SEZ6: variants seen among roughly 807,000 people sequenced by gnomAD.
SEZ6 encodes seizure related 6 homolog, also known as seizure protein 6 homolog.
Under a neutral mutation model 101.0 loss-of-function variants are expected in SEZ6, and 53 were observed. The ratio of observed to expected loss-of-function variants is 0.52; its 90% CI spans 0.42 to 0.66. The LOEUF (loss-of-function observed/expected upper bound fraction) is 0.66, where lower values mean the gene tolerates loss of function less well. Ranked by LOEUF, SEZ6 falls within the 30% of genes least tolerant of loss-of-function variation. SEZ6 has a pLI of 0.00. For synonymous variants in SEZ6, 488 were observed against 512.2 expected (o/e 0.95, Z 0.64); for missense variants, 1,102 against 1,289.4 (o/e 0.85, Z 2.23).
chr17:28,959,680 C>A lies in SEZ6; in HGVS notation c.1771+18G>T. The A allele has an allele frequency of 6.4e-7, 1 of 1,568,050 alleles. No individual in the cohort carries two copies. The highest frequency in any genetic ancestry group is 1.3e-5 in the African/African-American group (1 of 74,090). ...CCTGCCTTTTGCCCGGTAGGCCCATCCACTGGTGTCTACTGACCTCGGCAG... is the reference window on the plus strand; with the variant it reads ...CCTGCCTTTTGCCCGGTAGGCCCATACACTGGTGTCTACTGACCTCGGCAG... On this transcript the variant is annotated intron_variant, in intron 8 of 16. Transcript: ENST00000317338. The surrounding 1 kb of genome is among the most constrained non-coding windows in gnomAD (Gnocchi z 4.4).
intron 1 of SEZ6, among the ~76,000 whole-genome samples, chr17:28,992,376 G>T (rs987131201): frequency 1.3e-5 from 2 of 152,070 alleles, no homozygotes; most frequent in Non-Finnish European, 2.9e-5. Flanking sequence ...GTGTGTGTGG[G>T]CGTACGTGTG....
intron 1 of SEZ6, among the ~76,000 whole-genome samples, chr17:28,990,447 T>C (rs2041441164): frequency 6.6e-6 from 1 of 152,046 alleles, no homozygotes; most frequent in Non-Finnish European, 1.5e-5. Flanking sequence ...GTATTTTTAG[T>C]AGAGATGGGG....
chr17:28,974,681 C>T (rs1412867149), intron 3 of SEZ6, among the ~76,000 whole-genome samples: 2 of 152,234 alleles, frequency 1.3e-5, no homozygotes, highest in Non-Finnish European at 2.9e-5. Context: ...GATTCCTGGT[C>T]CAGTGTCCTG....
intron 3 of SEZ6, among the ~76,000 whole-genome samples, chr17:28,972,534 C>T (rs759596499): frequency 1.3e-5 from 2 of 152,186 alleles, no homozygotes; most frequent in African/African-American, 4.8e-5. Context: ...GAAGAGAAGG[C>T]TCAAGGCAGG....
chr17:28,998,658 C>T (rs1035008446), intron 1 of SEZ6, among the ~76,000 whole-genome samples: 1 of 152,090 alleles, frequency 6.6e-6, no homozygotes, highest in Non-Finnish European at 1.5e-5. Context: ...AGAGGAGGGT[C>T]CTCCAATAGC....
intron 3 of SEZ6, among the ~76,000 whole-genome samples, chr17:28,970,664 C>G (rs746888677): frequency 5.6e-4 from 85 of 152,344 alleles, no homozygotes; most frequent in Admixed American, 3.0e-3. Context: ...TCCTGGCCAG[C>G]CTTCCTGCCT....
rs2041677725 is a variant in SEZ6 at position 29,005,617 on chromosome 17, G to A, written c.55+198C>T. ...GACGAGGTCTCGGCCGGGCGCGAAT[G>A]GCGGGAGCCGCGGCAGCTTCCCGCC... On this transcript the variant is annotated intron_variant, in intron 1 of 16. Transcript: ENST00000317338. This position sits in a 1 kb window ranked among gnomAD's most constrained non-coding sequence, Gnocchi z 4.8. Among the ~76,000 whole-genome samples the A allele has an allele frequency of 6.6e-6, 1 of 151,492 alleles. No homozygotes were observed. Among genetic ancestry groups the A allele is most frequent in the African/African-American group, 2.4e-5 (1 of 41,352 alleles).
chr17:28,968,073 C>T (rs1237354957), intron 4 of SEZ6, among the ~76,000 whole-genome samples: 1 of 152,160 alleles, frequency 6.6e-6, no homozygotes, highest in Non-Finnish European at 1.5e-5. Flanking sequence ...AGGGCTCATC[C>T]TTGTGACCTC....
In SEZ6 at chr17:28,957,359, G is replaced by A; in HGVS notation, c.2483C>T (p.Pro828Leu). 1 of 1,613,314 alleles carries A rather than the reference G, an allele frequency of 6.2e-7. No individual in the cohort carries two copies. Among genetic ancestry groups the A allele is most frequent in the Non-Finnish European group, 8.5e-7 (1 of 1,179,356 alleles). The stretch of plus-strand genomic sequence containing the variant: ...CAATTGACACTTACGGAGACATTTA[G>A]GGGCCCGGTCACTCCACTTGGGGCT... Reference protein sequence around the residue: ...AGSPKWSDRAPKCLLEQLKPC... With the variant: ...AGSPKWSDRALKCLLEQLKPC... The change falls in exon 12 of 17, where the codon CCT (proline) becomes CTT (leucine). Residue 828 changes from proline (P) to leucine (L), a missense_variant. This residue lies in a region of SEZ6 where 556 missense variants were observed against 735.1 expected (regional missense o/e 0.76). Coordinates refer to ENST00000317338, the MANE Select transcript of SEZ6 (RefSeq NM_178860.5).
chr17:28,959,859 A>G lies in SEZ6; in HGVS notation c.1610T>C (p.Val537Ala). Reference sequence around the variant, plus strand: ...GCTGCTGCTGAAGTTACCGTATTTGACAAAGGGCTCATAGCAATGGCCCTG... The same window carrying G: ...GCTGCTGCTGAAGTTACCGTATTTGGCAAAGGGCTCATAGCAATGGCCCTG... Reference protein sequence around the residue: ...FQQGHCYEPFVKYGNFSSSTP... With the variant: ...FQQGHCYEPFAKYGNFSSSTP... The change falls in exon 8 of 17, where the codon GTC becomes GCC. Residue 537 changes from valine to alanine, a missense_variant. By Grantham distance (64) the Val-to-Ala change is moderately conservative. Transcript: ENST00000317338. This position sits in a 1 kb window ranked among gnomAD's most constrained non-coding sequence, Gnocchi z 4.4. 6.2e-7 allele frequency: 1 copy of G among 1,613,116 alleles called. No individual in the cohort carries two copies. Among genetic ancestry groups the G allele is most frequent in the Non-Finnish European group, 8.5e-7 (1 of 1,179,552 alleles).
intron 3 of SEZ6, among the ~76,000 whole-genome samples, chr17:28,971,823 C>G (rs2041155572): frequency 1.3e-5 from 2 of 152,188 alleles, no homozygotes; most frequent in Admixed American, 1.3e-4. Flanking sequence ...ATGGGTTCCT[C>G]CTCTCTATCC....
At chr17:28,984,473 T>G (rs1215068000) in intron 1 of SEZ6, among the ~76,000 whole-genome samples, 1 of 151,764 alleles carries the variant, frequency 6.6e-6, no homozygotes, top group Admixed American at 6.6e-5. Flanking sequence ...GGAGAGGGAG[T>G]GCACAGAGAT....
intron 4 of SEZ6, among the ~76,000 whole-genome samples, chr17:28,967,463 A>G (rs1235900882): frequency 6.6e-6 from 1 of 152,162 alleles, no homozygotes; most frequent in African/African-American, 2.4e-5. Context: ...ACTTGGGTTC[A>G]GGGGTCAGAG....
At position 28,969,823 on chromosome 17, in the gene SEZ6, C is replaced by T; in HGVS notation, c.988G>A (p.Ala330Thr). The stretch of plus-strand genomic sequence containing the variant: ...GGGAGGCTCTGGAACCTCAGGGCCG[C>T]TTGGTGGGTGGGGCTGCGGATGACT... ...GQVIRSPTHQ[A>T]ALRFQSLPPP... The change falls in exon 4 of 17, where the codon GCG becomes ACG. Residue 330 changes from alanine to threonine, a missense_variant. By Grantham distance (58) the Ala-to-Thr change is moderately conservative. Coordinates refer to ENST00000317338, the MANE Select transcript of SEZ6 (RefSeq NM_178860.5). The T allele has an allele frequency of 1.3e-6, 2 of 1,526,796 alleles. No homozygotes were observed. Among genetic ancestry groups the T allele is most frequent in the Middle Eastern group, 3.4e-4 (2 of 5,818 alleles). 94.6% of individuals were successfully genotyped at this position (1,526,796 alleles called of 1,614,324 possible).
At chr17:29,003,130 T>A (rs973043705) in intron 1 of SEZ6, among the ~76,000 whole-genome samples, 1 of 152,224 alleles carries the variant, frequency 6.6e-6, no homozygotes, top group Non-Finnish European at 1.5e-5. Context: ...ATTAACTTTA[T>A]TGATATTCAG....
chr17:28,974,146 G>A (rs1401368402), intron 3 of SEZ6, among the ~76,000 whole-genome samples: 1 of 152,202 alleles, frequency 6.6e-6, no homozygotes. Context: ...AGACGAGATG[G>A]CACTACAGTT....
chr17:29,005,056 G>A lies in SEZ6; in HGVS notation c.55+759C>T, dbSNP rs2041667679. ...GGCCGGGCAGGAAGGCAGGCCGGGA[G>A]GGAGGCAGAGCTCGGGGCAGTGGTG... On this transcript the variant is annotated intron_variant, in intron 1 of 16. Coordinates refer to ENST00000317338, the MANE Select transcript of SEZ6 (RefSeq NM_178860.5). The surrounding 1 kb of genome is among the most constrained non-coding windows in gnomAD (Gnocchi z 4.8). 6.6e-6 allele frequency among the ~76,000 whole-genome samples: 1 copy of A among 151,388 alleles called. No homozygotes were observed.
At chr17:28,983,552 G>C (rs748808579) in intron 1 of SEZ6, among the ~76,000 whole-genome samples, 7 of 152,066 alleles carry the variant, frequency 4.6e-5, no homozygotes, top group Non-Finnish European at 8.8e-5. Context: ...CTCTGCTATT[G>C]ATTGTGTTGA....
chr17:28,984,965 T>G (rs888902603), intron 1 of SEZ6, among the ~76,000 whole-genome samples: 33 of 152,150 alleles, frequency 2.2e-4, no homozygotes, highest in African/African-American at 7.2e-4. Context: ...GTCAGGCCCT[T>G]CCCAGACCTT....
Sources: gnomAD v4.1 joint callset for allele counts (sites outside exome capture counted in the v4.1 genomes callset) on GRCh38, gnomAD v4.1.1 for gene constraint, gnomAD v4.1.1 regional missense constraint, Gnocchi (gnomAD v3.1) non-coding constraint, MANE v1.5 for transcripts, NCBI Gene and HGNC (gene_info 2026-07-23, HGNC 2026-07-21) for gene names.